The following DHX57 variants were observed in gnomAD, a reference collection of about 807,000 sequenced individuals.
The protein encoded by DHX57 is putative ATP-dependent RNA helicase DHX57.
A neutral mutation model predicts 156.2 loss-of-function variants in DHX57; 105 were observed. The ratio of observed to expected loss-of-function variants is 0.67; its 90% CI spans 0.57 to 0.79. DHX57 has a LOEUF of 0.79. Ranked by LOEUF, DHX57 falls within the 30% of genes least tolerant of loss-of-function variation. The probability of loss-of-function intolerance (pLI) is 0.00; values close to 1 mark genes in which losing one functional copy is unlikely to be tolerated. For synonymous variants in DHX57, 704 were observed against 595.6 expected, an observed-to-expected ratio of 1.18 and a Z score of -2.65; for missense variants, 1,847 against 1,661.9, an observed-to-expected ratio of 1.11 and a Z score of -1.94.
chr2:38,831,879 G>A (rs1466375637), intron 13 of DHX57, among the ~76,000 whole-genome samples: 1 of 151,646 alleles, frequency 6.6e-6, no homozygotes, highest in Non-Finnish European at 1.5e-5. Context: ...ATTAGCTGGG[G>A]GACATGGTGG....
intron 9 of DHX57, among the ~76,000 whole-genome samples, chr2:38,850,211 G>C (rs753646499): frequency 1.3e-5 from 2 of 152,162 alleles, no homozygotes; most frequent in Admixed American, 1.3e-4. Flanking sequence ...TGTACTACCA[G>C]TTTACTTCTA....
At chr2:38,849,278 A>G (rs1049165150) in intron 9 of DHX57, among the ~76,000 whole-genome samples, 2 of 152,246 alleles carry the variant, frequency 1.3e-5, no homozygotes, top group Non-Finnish European at 2.9e-5. Context: ...TCTCTAAGAC[A>G]TATTTTTAGT....
chr2:38,852,602 T>C (rs1213988146), intron 9 of DHX57, among the ~76,000 whole-genome samples: 1 of 151,382 alleles, frequency 6.6e-6, no homozygotes, highest in Admixed American at 6.6e-5. Context: ...ATTCAGACTT[T>C]TAATTTTTTT....
At chr2:38,813,699 G>A (rs1670387116) in intron 21 of DHX57, 122 bp downstream of exon 21, 5 of 1,123,316 alleles carry the variant, frequency 4.5e-6, no homozygotes, top group Admixed American at 2.1e-5. Flanking sequence ...TTAAAAGGGT[G>A]TGCGTGTGTG....
Position 38,861,841 on chromosome 2 carries a change from T to G in DHX57, c.573-4A>C, listed in dbSNP as rs1673241000. The G allele has an allele frequency of 6.3e-7, 1 of 1,577,870 alleles. No individual in the cohort carries two copies. Among genetic ancestry groups the G allele is most frequent in the Non-Finnish European group, 8.6e-7 (1 of 1,162,814 alleles). On this transcript the variant is annotated splice_polypyrimidine_tract_variant and splice_region_variant and intron_variant, in intron 4 of 23. Transcript: ENST00000457308. ...GCGTTCAGTATTGAAACCATACCTG[T>G]CAAGGGCAAAACATGACAAAAATGA... is the stretch of plus-strand genomic sequence containing the variant.
chr2:38,837,734 A>G (rs1400707880), intron 13 of DHX57, 97 bp downstream of exon 13: 5 of 743,218 alleles, frequency 6.7e-6, no homozygotes, highest in African/African-American at 1.7e-5. Context: ...CTGTGTGCAG[A>G]GTCTGCATGT....
rs1665192400 is a variant in DHX57 at position 38,868,413 on chromosome 2, T to C, written c.-6-2A>G. 1.2e-6 allele frequency: 2 copies of C among 1,611,026 alleles called. No individual in the cohort carries two copies. Among genetic ancestry groups the C allele is most frequent in the Non-Finnish European group, 1.7e-6 (2 of 1,179,658 alleles). On this transcript the variant is annotated splice_acceptor_variant, in intron 1 of 23. Transcript: ENST00000457308. LOFTEE classifies it low-confidence loss of function (5UTR_SPLICE). The stretch of plus-strand genomic sequence containing the variant: ...TCTTACTGAAGAACTCATTTTCACC[T>C]GCAAGAGAAAAAAATTAATGTAGAC...
intron 19 of DHX57, chr2:38,815,883 T>C: frequency 1.8e-6 from 1 of 559,716 alleles, no homozygotes; most frequent in Non-Finnish European, 3.2e-6. Flanking sequence ...AATGCAAAAA[T>C]TCAATAAATC....
chr2:38,836,228 A>G (rs758001224), intron 13 of DHX57, among the ~76,000 whole-genome samples: 5 of 152,156 alleles, frequency 3.3e-5, no homozygotes, highest in Non-Finnish European at 7.3e-5. Flanking sequence ...AGAAATTACA[A>G]TATGTTTCCT....
intron 13 of DHX57, among the ~76,000 whole-genome samples, chr2:38,829,831 C>G (rs1671290204): frequency 6.6e-6 from 1 of 152,120 alleles, no homozygotes; most frequent in South Asian, 2.1e-4. Flanking sequence ...GAAAAAGAAA[C>G]TATAATTGAC....
rs1205058513 is a variant in DHX57 at position 38,861,053 on chromosome 2, A to G, written c.1357T>C (p.Cys453Arg). Residue 453 changes from cysteine (C) to arginine (R), a missense_variant, in exon 5 of 24, where the codon TGT becomes CGT. Coordinates refer to ENST00000457308, the MANE Select transcript of DHX57 (RefSeq NM_198963.3). ...TTATTTGGAATCACTGTTTTATGAC[A>G]GGCAGGATTATTTATTCTGGTCCTA... The part of the protein sequence containing the change: ...PSRTRINNPA[C>R]HKTVIPNNSF... 7 of 1,614,016 alleles carry G rather than the reference A, an allele frequency of 4.3e-6. No individual in the cohort carries two copies. The highest frequency in any genetic ancestry group is 5.9e-6 in the Non-Finnish European group (7 of 1,180,014).
chr2:38,805,906 C>G (rs1345296472), intron 22 of DHX57, among the ~76,000 whole-genome samples: 1 of 151,862 alleles, frequency 6.6e-6, no homozygotes, highest in African/African-American at 2.4e-5. Context: ...TTTGGTGGTT[C>G]AGGAAGAGGG....
intron 12 of DHX57, among the ~76,000 whole-genome samples, chr2:38,842,290 C>A (rs1475107933): frequency 1.3e-5 from 2 of 152,150 alleles, no homozygotes; most frequent in Admixed American, 1.3e-4. Context: ...AGGAGCTGTT[C>A]TAGATCAAAG....
At chr2:38,812,419 G>C (rs997306130) in intron 21 of DHX57, among the ~76,000 whole-genome samples, 3 of 152,196 alleles carry the variant, frequency 2.0e-5, no homozygotes, top group African/African-American at 7.2e-5. Context: ...AACTCTCTGG[G>C]GGAAAATGGT....
intron 11 of DHX57, among the ~76,000 whole-genome samples, chr2:38,844,044 A>T (rs1037390503): frequency 8.4e-4 from 128 of 152,168 alleles, no homozygotes; most frequent in African/African-American, 2.7e-3. Context: ...GTAGCTTTTT[A>T]AAAAAAAGAT....
At chr2:38,858,101 G>T (rs1048294262) in intron 6 of DHX57, among the ~76,000 whole-genome samples, 1 of 152,104 alleles carries the variant, frequency 6.6e-6, no homozygotes, top group African/African-American at 2.4e-5. Context: ...TTGCTCTGTT[G>T]CCCAGGCTGG....
chr2:38,828,902 G>A (rs1671241005), intron 13 of DHX57, among the ~76,000 whole-genome samples: 1 of 151,944 alleles, frequency 6.6e-6, no homozygotes, highest in Admixed American at 6.6e-5. Context: ...AATGTCTGTC[G>A]GTATAATGCC....
Position 38,828,722 on chromosome 2 carries a change from C to CA in DHX57, c.2543-287dup, listed in dbSNP as rs775943686. Among the ~76,000 whole-genome samples the CA allele has an allele frequency of 5.8e-3, 584 of 99,998 alleles. 1 individual carries two copies. Among genetic ancestry groups the CA allele is most frequent in the East Asian group, 0.01 (35 of 3,486 alleles). The allele number at this position is 99,998 out of a possible 152,430, so 65.6% of individuals were successfully genotyped here. On this transcript the variant is annotated intron_variant, in intron 13 of 23. Transcript: ENST00000457308. Reference sequence around the variant, plus strand: ...TGGGCAACAGAGCAAGACCCTTTCTCAAAAAAAAAAAAAAAGAGAAATTTT... The same window carrying CA: ...TGGGCAACAGAGCAAGACCCTTTCTCAAAAAAAAAAAAAAAAGAGAAATTTT...
chr2:38,802,340 T>A (rs965358911), intron 23 of DHX57, among the ~76,000 whole-genome samples: 19 of 150,664 alleles, frequency 1.3e-4, no homozygotes, highest in Non-Finnish European at 1.8e-4. Flanking sequence ...GAGGCTGGAG[T>A]GCAATGGCAC....
Sources: allele counts gnomAD v4.1 joint callset (sites outside exome capture counted in the v4.1 genomes callset), GRCh38; gene constraint gnomAD v4.1.1; transcripts MANE v1.5; gene names NCBI Gene and HGNC (gene_info 2026-07-23, HGNC 2026-07-21).